FRMPD4: variants seen among roughly 807,000 people sequenced by gnomAD.
FRMPD4 encodes the protein FERM and PDZ domain containing 4.
In FRMPD4, 22 loss-of-function variants were observed where a neutral mutation model predicts 94.1. The observed-to-expected ratio is 0.23, with a 90% CI of 0.17 to 0.33. The LOEUF (loss-of-function observed/expected upper bound fraction) is 0.33. FRMPD4 is among the 10% of genes least tolerant of loss of function. The probability of loss-of-function intolerance (pLI) is 1.00; values close to 1 mark genes in which losing one functional copy is unlikely to be tolerated. For missense variants in FRMPD4, 1,111 were observed against 1,339.9 expected (o/e 0.83, Z 2.67); for synonymous variants, 631 against 548.6 (o/e 1.15, Z -2.10).
chrX:12,159,580 A>G (rs184293242), intron 1 of FRMPD4, among the ~76,000 whole-genome samples: 225 of 112,163 alleles, frequency 2.0e-3, no homozygotes, highest in African/African-American at 7.0e-3. Flanking sequence ...TCCATGTTCT[A>G]TATTCTTTTA....
intron 3 of FRMPD4, among the ~76,000 whole-genome samples, chrX:12,070,403 C>T (rs2054956904): frequency 8.9e-6 from 1 of 111,899 alleles, no homozygotes; most frequent in Non-Finnish European, 1.9e-5. Flanking sequence ...TTAGCAGGAA[C>T]AAGACGACAG....
chrX:12,408,667 G>A (rs1050022760), intron 1 of FRMPD4, among the ~76,000 whole-genome samples: 1 of 111,435 alleles, frequency 9.0e-6, no homozygotes, highest in African/African-American at 3.3e-5. Context: ...AGTAAATGGT[G>A]CCCAATCATT....
chrX:12,007,749 C>T (rs754591934), intron 3 of FRMPD4, among the ~76,000 whole-genome samples: 11 of 112,639 alleles, frequency 9.8e-5, no homozygotes, highest in Non-Finnish European at 1.7e-4. Flanking sequence ...GGTCACCATA[C>T]CAACAGAAAG....
At chrX:12,035,546 GT>G (rs1410497845) in intron 3 of FRMPD4, among the ~76,000 whole-genome samples, 1 of 112,094 alleles carries the variant, frequency 8.9e-6, no homozygotes, top group Non-Finnish European at 1.9e-5. Flanking sequence ...GTATTTCAAG[GT>G]TAACACTTTA....
intron 1 of FRMPD4, among the ~76,000 whole-genome samples, chrX:11,861,550 C>A (rs1241658824): frequency 8.9e-6 from 1 of 111,804 alleles, no homozygotes; most frequent in Non-Finnish European, 1.9e-5. Context: ...CTAATTTATC[C>A]ATTTGCCTAT....
At chrX:11,919,640 G>C (rs937107747) in intron 3 of FRMPD4, among the ~76,000 whole-genome samples, 1 of 111,209 alleles carries the variant, frequency 9.0e-6, no homozygotes, top group African/African-American at 3.3e-5. Context: ...AAGTTTTTGG[G>C]AAAAAGGCTC....
intron 2 of FRMPD4, among the ~76,000 whole-genome samples, chrX:12,569,663 C>T (rs1187094911): frequency 8.9e-6 from 1 of 112,453 alleles, no homozygotes; most frequent in Non-Finnish European, 1.9e-5. Context: ...TTCAAGTATG[C>T]TTTCTTTCAG....
At chrX:11,909,153 T>TAGAAC (rs1601833882) in intron 3 of FRMPD4, among the ~76,000 whole-genome samples, 1 of 111,999 alleles carries the variant, frequency 8.9e-6, no homozygotes, top group African/African-American at 3.2e-5. Flanking sequence ...AAATATGTGG[T>TAGAAC]AGAACTCACC....
chrX:11,839,671 G>A (rs1167843936), intron 1 of FRMPD4, among the ~76,000 whole-genome samples: 1 of 111,400 alleles, frequency 9.0e-6, no homozygotes, highest in African/African-American at 3.2e-5. Flanking sequence ...TATAGGTTTA[G>A]TTCTTACATT....
At chrX:12,544,882 C>T (rs1199402285) in intron 2 of FRMPD4, among the ~76,000 whole-genome samples, 3 of 111,992 alleles carry the variant, frequency 2.7e-5, no homozygotes, top group African/African-American at 9.7e-5. Flanking sequence ...CTTTCTTCTT[C>T]TACAAAAAGA....
chrX:11,861,615 C>T (rs946523799), intron 1 of FRMPD4, among the ~76,000 whole-genome samples: 1 of 111,312 alleles, frequency 9.0e-6, no homozygotes, highest in Non-Finnish European at 1.9e-5. Flanking sequence ...TAGGTACAAT[C>T]CTACCTGAGG....
chrX:12,187,204 A>C (rs1323833653), intron 1 of FRMPD4, among the ~76,000 whole-genome samples: 1 of 111,789 alleles, frequency 8.9e-6, no homozygotes, highest in East Asian at 2.8e-4. Context: ...TCCTATGGGT[A>C]CTTCTCAGTG....
At position 11,915,041 on chromosome X, in the gene FRMPD4, T is replaced by C. The variant is rs892551772; in HGVS notation, c.95+37023T>C. 2.0e-4 allele frequency among the ~76,000 whole-genome samples: 22 copies of C among 112,226 alleles called. 1 individual carries two copies. The highest frequency in any genetic ancestry group is 7.1e-4 in the African/African-American group (22 of 30,938). ...AAAGAGAAAAAGAGCTTTCTAGCAA[T>C]GCAAAAAAAAGAGCTTTCAGGGTGT... On this transcript the variant is annotated intron_variant, in intron 3 of 18. Coordinates refer to the FRMPD4 transcript ENST00000640291.
chrX:12,053,638 T>C (rs185173782), intron 3 of FRMPD4, among the ~76,000 whole-genome samples: 1 of 111,801 alleles, frequency 8.9e-6, no homozygotes, highest in African/African-American at 3.2e-5. Context: ...AGAAAACTTT[T>C]AGGTGAACAA....
chrX:12,391,798 A>G (rs2056478414), intron 1 of FRMPD4, among the ~76,000 whole-genome samples: 1 of 111,018 alleles, frequency 9.0e-6, no homozygotes, highest in Non-Finnish European at 1.9e-5. Flanking sequence ...ATGCAAGACT[A>G]ACATTTCTGG....
At chrX:12,271,808 T>G (rs2054358223) in intron 1 of FRMPD4, among the ~76,000 whole-genome samples, 1 of 112,023 alleles carries the variant, frequency 8.9e-6, no homozygotes. Context: ...CATCCCAAAC[T>G]TTGTGAGCAT....
At chrX:12,183,223 T>C (rs1239547764) in intron 1 of FRMPD4, among the ~76,000 whole-genome samples, 1 of 111,599 alleles carries the variant, frequency 9.0e-6, no homozygotes, top group Non-Finnish European at 1.9e-5. Flanking sequence ...TCTGGGTCAT[T>C]CAACCAAGAC....
At chrX:12,147,497 A>G (rs1012033787) in intron 1 of FRMPD4, among the ~76,000 whole-genome samples, 2 of 112,560 alleles carry the variant, frequency 1.8e-5, no homozygotes, top group African/African-American at 6.5e-5. Flanking sequence ...GCATGAAAAC[A>G]GATGCTTATT....
At position 12,621,968 on chromosome X, in the gene FRMPD4, GAGAAAGAAAGAAAGAA is replaced by G. The variant is rs1171799513; in HGVS notation, c.422+7122_422+7137del. On this transcript the variant is annotated intron_variant, in intron 4 of 16. Coordinates refer to ENST00000675598, the MANE Select transcript of FRMPD4 (RefSeq NM_001368397.1). ...AGAGAGAGAGAGAGAAAGAAAGAAA[GAGAAAGAAAGAAAGAA>G]AGAAAGAAAGAAAGAAAGAAAGAAA... is the stretch of plus-strand genomic sequence containing the variant. Among the ~76,000 whole-genome samples the G allele has an allele frequency of 1.8e-3, 72 of 41,066 alleles. 1 individual carries two copies. The highest frequency in any genetic ancestry group is 8.2e-3 in the Admixed American group (26 of 3,173). 35.7% of individuals were successfully genotyped at this position (41,066 alleles called of 115,157 possible).
Sources: allele counts gnomAD v4.1 joint callset (sites outside exome capture counted in the v4.1 genomes callset), GRCh38; gene constraint gnomAD v4.1.1; transcripts MANE v1.5; gene names NCBI Gene and HGNC (gene_info 2026-07-23, HGNC 2026-07-21).